The following ZDHHC14 variants were observed in gnomAD, a reference collection of about 807,000 sequenced individuals.
ZDHHC14 encodes zDHHC palmitoyltransferase 14, also known as palmitoyltransferase ZDHHC14.
A neutral mutation model predicts 47.7 loss-of-function variants in ZDHHC14; 16 were observed. The ratio of observed to expected loss-of-function variants is 0.34; its 90% CI spans 0.23 to 0.51. The LOEUF (loss-of-function observed/expected upper bound fraction) is 0.51, where lower values mean the gene tolerates loss of function less well. ZDHHC14 is among the 20% of genes least tolerant of loss of function. The pLI, the probability that ZDHHC14 is intolerant of heterozygous loss-of-function variation, is 0.97. For missense variants in ZDHHC14, 515 were observed against 662.5 expected, an observed-to-expected ratio of 0.78 and a Z score of 2.44; for synonymous variants, 293 against 278.9, an observed-to-expected ratio of 1.05 and a Z score of -0.50.
At chr6:157,420,395 C>CT (rs1312353023) in intron 1 of ZDHHC14, among the ~76,000 whole-genome samples, 6 of 139,932 alleles carry the variant, frequency 4.3e-5, no homozygotes, top group African/African-American at 1.7e-4. Context: ...AAGGGGTGGG[C>CT]TGAATCAAGG....
chr6:157,581,301 T>G (rs1434300476), intron 2 of ZDHHC14, among the ~76,000 whole-genome samples: 2 of 151,756 alleles, frequency 1.3e-5, no homozygotes, highest in African/African-American at 2.4e-5. Flanking sequence ...TTGGTATGTT[T>G]TTTTTTTTTA....
intron 5 of ZDHHC14, among the ~76,000 whole-genome samples, chr6:157,643,012 T>C (rs1040256553): frequency 2.6e-5 from 4 of 152,246 alleles, no homozygotes; most frequent in Non-Finnish European, 5.9e-5. Context: ...CAGAGCAGAC[T>C]TCCGGCATTC....
rs1215285008 is a variant in ZDHHC14, at chr6:157,583,669, G to A, written c.407-9319G>A. On this transcript the variant is annotated intron_variant, in intron 2 of 8. Coordinates refer to ENST00000359775, the MANE Select transcript of ZDHHC14 (RefSeq NM_024630.3). ...GGCGTTTCCACACATTTTCAGCTGTGTGCCCTCTCAGTGTTCTGAGGTGTA... is the reference window on the plus strand; with the variant it reads ...GGCGTTTCCACACATTTTCAGCTGTATGCCCTCTCAGTGTTCTGAGGTGTA... Among the ~76,000 whole-genome samples, 3 of 152,110 alleles carry A rather than the reference G, an allele frequency of 2.0e-5. No homozygotes were observed. In the East Asian group the frequency reaches 5.8e-4, roughly 29 times the overall value.
chr6:157,474,997 T>C (rs935476249), intron 1 of ZDHHC14, among the ~76,000 whole-genome samples: 1 of 152,222 alleles, frequency 6.6e-6, no homozygotes, highest in African/African-American at 2.4e-5. Flanking sequence ...ATGGAGCTTT[T>C]ACCCTTGTTT....
chr6:157,529,600 TG>T (rs1359130199), intron 1 of ZDHHC14, among the ~76,000 whole-genome samples: 1 of 152,228 alleles, frequency 6.6e-6, no homozygotes, highest in East Asian at 1.9e-4. Context: ...TGAGCGACTT[TG>T]TCACCCAAGA....
chr6:157,662,175 C>CTTTAT (rs1778371908), intron 8 of ZDHHC14, among the ~76,000 whole-genome samples: 1 of 151,660 alleles, frequency 6.6e-6, no homozygotes, highest in Non-Finnish European at 1.5e-5. Context: ...TAACTTACCC[C>CTTTAT]TTTATTTTAT....
At chr6:157,617,701 TTGAC>T (rs1305827024) in intron 3 of ZDHHC14, among the ~76,000 whole-genome samples, 1 of 152,170 alleles carries the variant, frequency 6.6e-6, no homozygotes, top group Non-Finnish European at 1.5e-5. Context: ...TGAGGATAAA[TTGAC>T]TGAGGGTTCA....
At chr6:157,603,239 G>A (rs1430510309) in intron 3 of ZDHHC14, among the ~76,000 whole-genome samples, 3 of 152,240 alleles carry the variant, frequency 2.0e-5, no homozygotes, top group Non-Finnish European at 4.4e-5. Context: ...CTATGTGCAC[G>A]TAGAGGGCAA....
rs187079003 is a variant in ZDHHC14 at position 157,508,225 on chromosome 6, T to C, written c.246-34360T>C. Among the ~76,000 whole-genome samples, 33 of 152,336 alleles carry C rather than the reference T, an allele frequency of 2.2e-4. No individual in the cohort carries two copies. In the East Asian group the frequency reaches 6.0e-3, roughly 28 times the overall value. ...TTGGGCATCAATACCAGGGTGGTGG[T>C]GAGTCCTGTTGATGTAGAAATGTGG... On this transcript the variant is annotated intron_variant, in intron 1 of 8. Coordinates refer to ENST00000359775, the MANE Select transcript of ZDHHC14 (RefSeq NM_024630.3).
intron 2 of ZDHHC14, among the ~76,000 whole-genome samples, chr6:157,570,088 T>A (rs1220882642): frequency 6.6e-6 from 1 of 152,210 alleles, no homozygotes; most frequent in Non-Finnish European, 1.5e-5. Context: ...GTACTGGTAA[T>A]CCTAATTCTC....
At chr6:157,541,112 G>A (rs980212105) in intron 1 of ZDHHC14, among the ~76,000 whole-genome samples, 6 of 151,982 alleles carry the variant, frequency 3.9e-5, no homozygotes, top group Non-Finnish European at 8.8e-5. Flanking sequence ...CATTTGCTCT[G>A]TTTAGACAAT....
intron 1 of ZDHHC14, among the ~76,000 whole-genome samples, chr6:157,517,026 A>G (rs1420332133): frequency 6.6e-6 from 1 of 152,170 alleles, no homozygotes; most frequent in Non-Finnish European, 1.5e-5. Flanking sequence ...TGAGTGGAGC[A>G]TAAAGGGGCT....
intron 1 of ZDHHC14, among the ~76,000 whole-genome samples, chr6:157,472,147 C>G (rs887103512): frequency 6.6e-6 from 1 of 152,148 alleles, no homozygotes; most frequent in African/African-American, 2.4e-5. Flanking sequence ...GTCAGGATGT[C>G]CTGCAGCCTC....
chr6:157,410,453 A>G (rs184888366), intron 1 of ZDHHC14, among the ~76,000 whole-genome samples: 2 of 152,360 alleles, frequency 1.3e-5, no homozygotes, highest in Admixed American at 1.3e-4. Flanking sequence ...ATTGATGTGT[A>G]AAGACTTGCA....
In ZDHHC14 at chr6:157,382,118, A is replaced by C; in HGVS notation, c.97A>C (p.Lys33Gln). The change falls in exon 1 of 9, where the codon AAA becomes CAA. Residue 33 changes from lysine (K) to glutamine (Q), a missense_variant. Transcript: ENST00000359775. ...SPMESPHKKK[K>Q]IAARRKWEVF... ...CATGGAGTCGCCCCACAAGAAGAAG[A>C]AAATCGCGGCCCGGAGGAAATGGGA... 6.2e-7 allele frequency: 1 copy of C among 1,613,332 alleles called. No individual in the cohort carries two copies.
At chr6:157,407,197 T>TA (rs1656734564) in intron 1 of ZDHHC14, among the ~76,000 whole-genome samples, 1 of 152,146 alleles carries the variant, frequency 6.6e-6, no homozygotes, top group African/African-American at 2.4e-5. Context: ...AGAACTGAGA[T>TA]ACGGACTTGG....
chr6:157,444,208 C>T lies in ZDHHC14; in HGVS notation c.245+61942C>T, dbSNP rs1195004577. 4.6e-5 allele frequency among the ~76,000 whole-genome samples: 7 copies of T among 152,298 alleles called. No homozygotes were observed. The South Asian group carries it at 8.3e-4, about 18-fold the overall frequency. On this transcript the variant is annotated intron_variant, in intron 1 of 8. Coordinates refer to ENST00000359775, the MANE Select transcript of ZDHHC14 (RefSeq NM_024630.3). ...AATATTATTAGATGGTCTCTACACC[C>T]GCAATGAAGCCTACAGTTAGTGAGC...
intron 1 of ZDHHC14, among the ~76,000 whole-genome samples, chr6:157,399,785 T>C (rs905347169): frequency 6.6e-6 from 1 of 152,248 alleles, no homozygotes; most frequent in Non-Finnish European, 1.5e-5. Context: ...CCAGGCTGGC[T>C]GGGTGGCTCT....
At chr6:157,648,523 C>G (rs1777669235) in intron 7 of ZDHHC14, among the ~76,000 whole-genome samples, 1 of 151,658 alleles carries the variant, frequency 6.6e-6, no homozygotes, top group Non-Finnish European at 1.5e-5. Flanking sequence ...GGTGCTACTG[C>G]AAAACTAGAA....
Sources: gnomAD v4.1 joint callset for allele counts (sites outside exome capture counted in the v4.1 genomes callset) on GRCh38, gnomAD v4.1.1 for gene constraint, MANE v1.5 for transcripts, NCBI Gene and HGNC (gene_info 2026-07-23, HGNC 2026-07-21) for gene names.